Variants in NUP210L observed in about 807,000 individuals in gnomAD.
NUP210L encodes the protein nucleoporin 210 like.
NUP210L carries 74 observed loss-of-function variants against 208.5 expected under a neutral mutation model. The observed-to-expected ratio is 0.35, with a 90% CI of 0.29 to 0.43. The LOEUF is 0.43. Ranked by LOEUF, NUP210L falls within the 20% of genes least tolerant of loss-of-function variation. The probability of loss-of-function intolerance (pLI) is 1.00; values close to 1 mark genes in which losing one functional copy is unlikely to be tolerated. For missense variants in NUP210L, 1,843 were observed against 2,289.4 expected (o/e 0.81, Z 3.98); for synonymous variants, 780 against 816.9 (o/e 0.95, Z 0.77).
chr1:154,076,520 A>G (rs1655050675), intron 16 of NUP210L, among the ~76,000 whole-genome samples: 1 of 152,250 alleles, frequency 6.6e-6, no homozygotes, highest in Non-Finnish European at 1.5e-5. Context: ...GATAGAAGTT[A>G]TAACAAAAAA....
intron 28 of NUP210L, among the ~76,000 whole-genome samples, chr1:154,028,514 G>A (rs560979502): frequency 6.6e-6 from 1 of 152,248 alleles, no homozygotes; most frequent in South Asian, 2.1e-4. Context: ...TTGTACTTGG[G>A]AGGTGGAGGT....
At chr1:153,992,763 C>T in exon 40 of NUP210L, 1 of 950,946 alleles carries the variant, frequency 1.1e-6, no homozygotes, top group Non-Finnish European at 1.6e-6. Context: ...GTAGAAGTTG[C>T]TGTTAGGCTT....
chr1:154,138,671 A>G (rs894931152), intron 5 of NUP210L, among the ~76,000 whole-genome samples: 1 of 152,182 alleles, frequency 6.6e-6, no homozygotes, highest in African/African-American at 2.4e-5. Flanking sequence ...GCTTCTCTCT[A>G]GGAGGTCCAC....
rs1342034719 is a variant in NUP210L, at chr1:153,993,733, C to T, written c.5492-644G>A. Among the ~76,000 whole-genome samples the T allele has an allele frequency of 2.0e-5, 3 of 151,692 alleles. No homozygotes were observed. The South Asian group carries it at 6.3e-4, about 32-fold the overall frequency. On this transcript the variant is annotated intron_variant, in intron 38 of 39. Transcript: ENST00000368559. ...TTCAAGACCAGCCTGGCCAACATGC[C>T]ACTAAAAATAAAAAATTAGACAGGT...
At chr1:154,027,378 T>A in intron 29 of NUP210L, 128 bp downstream of exon 29, 1 of 638,284 alleles carries the variant, frequency 1.6e-6, no homozygotes, top group Non-Finnish European at 2.7e-6. Flanking sequence ...TTATGGGAAT[T>A]TCACCTCACA....
chr1:154,077,840 C>T (rs923805384), intron 16 of NUP210L, among the ~76,000 whole-genome samples: 15 of 151,780 alleles, frequency 9.9e-5, no homozygotes, highest in Admixed American at 5.9e-4. Context: ...CAAAAATTAG[C>T]CAGTCATGGT....
At chr1:154,026,096 A>T (rs1651862544) in intron 29 of NUP210L, among the ~76,000 whole-genome samples, 6 of 151,514 alleles carry the variant, frequency 4.0e-5, no homozygotes. Flanking sequence ...TTAGCTGGGC[A>T]TGATGGCGGG....
chr1:154,033,855 C>T (rs1373897248), intron 27 of NUP210L, among the ~76,000 whole-genome samples: 6 of 152,104 alleles, frequency 3.9e-5, no homozygotes, highest in Non-Finnish European at 7.4e-5. Flanking sequence ...GGTATTTTAA[C>T]AATATTGATT....
At chr1:154,019,065 T>A in exon 33 of NUP210L, 13 of 1,614,048 alleles carry the variant, frequency 8.1e-6, no homozygotes, top group Non-Finnish European at 1.1e-5. Flanking sequence ...ATATCCCAGG[T>A]TCACCTAGGA....
chr1:154,037,489 A>C (rs187319181), intron 27 of NUP210L, among the ~76,000 whole-genome samples: 1 of 152,080 alleles, frequency 6.6e-6, no homozygotes, highest in South Asian at 2.1e-4. Flanking sequence ...TCTAATGTAA[A>C]TATAACCATT....
At chr1:154,152,984 T>C in intron 1 of NUP210L, 112 bp from the exon 2 acceptor site, 3 of 872,998 alleles carry the variant, frequency 3.4e-6, no homozygotes. Flanking sequence ...TATATGTAAA[T>C]GACACTTTTT....
chr1:154,100,345 G>A (rs1408128187), intron 13 of NUP210L, among the ~76,000 whole-genome samples: 4 of 151,074 alleles, frequency 2.6e-5, no homozygotes, highest in Non-Finnish European at 4.4e-5. Flanking sequence ...CAGTTACTCA[G>A]GAGGCTAAGG....
chr1:154,113,163 A>ATATAT (rs199946601), intron 12 of NUP210L, among the ~76,000 whole-genome samples: 23 of 102,658 alleles, frequency 2.2e-4, no homozygotes, highest in Admixed American at 1.8e-3. Flanking sequence ...CTCTTAAAAA[A>ATATAT]AAAAATATAT....
chr1:154,124,206 AAGAG>A (rs58306337), intron 10 of NUP210L, among the ~76,000 whole-genome samples: 5 of 150,668 alleles, frequency 3.3e-5, no homozygotes, highest in African/African-American at 4.9e-5. Flanking sequence ...AAAAAAAAAA[AAGAG>A]AGAGAGAGAG....
intron 29 of NUP210L, among the ~76,000 whole-genome samples, chr1:154,027,129 G>C (rs1452034538): frequency 6.7e-6 from 1 of 148,324 alleles, no homozygotes; most frequent in African/African-American, 2.5e-5. Context: ...ACAAAACGTT[G>C]CATACTGTAT....
At chr1:154,012,857 T>G (rs1651009277) in intron 33 of NUP210L, among the ~76,000 whole-genome samples, 1 of 151,308 alleles carries the variant, frequency 6.6e-6, no homozygotes, top group South Asian at 2.1e-4. Flanking sequence ...AAACACAAAA[T>G]TAGCCGGGCT....
At chr1:154,132,344 A>G (rs1658303436) in intron 7 of NUP210L, among the ~76,000 whole-genome samples, 1 of 152,194 alleles carries the variant, frequency 6.6e-6, no homozygotes, top group Non-Finnish European at 1.5e-5. Context: ...TTGAGGATCT[A>G]TCTTGATCCT....
chr1:154,100,278 C>T (rs1468371229), intron 13 of NUP210L, 135 bp from the exon 14 acceptor site: 6 of 703,442 alleles, frequency 8.5e-6, no homozygotes, highest in South Asian at 3.6e-5. Flanking sequence ...GGTGAAACCC[C>T]GTGTCTACAA....
intron 29 of NUP210L, among the ~76,000 whole-genome samples, chr1:154,026,679 C>T (rs1344872148): frequency 1.3e-5 from 2 of 151,448 alleles, no homozygotes; most frequent in East Asian, 4.0e-4. Flanking sequence ...AAATTATAAA[C>T]TAAATGTGGT....
Sources: allele counts gnomAD v4.1 joint callset (sites outside exome capture counted in the v4.1 genomes callset), GRCh38; gene constraint gnomAD v4.1.1; transcripts MANE v1.5; gene names NCBI Gene and HGNC (gene_info 2026-07-23, HGNC 2026-07-21).